The following SNTG2 variants were observed in gnomAD, a reference collection of about 807,000 sequenced individuals.
The protein encoded by SNTG2 is syntrophin gamma 2.
A neutral mutation model predicts 70.9 loss-of-function variants in SNTG2; 74 were observed. The observed-to-expected ratio is 1.04, with a 90% CI of 0.86 to 1.27. SNTG2 has a LOEUF of 1.27. Among genes scored for constraint, SNTG2 ranks in the 50% most tolerant of loss-of-function variants. SNTG2 has a pLI of 0.00. For missense variants in SNTG2, 717 were observed against 690.7 expected (o/e 1.04, Z -0.43); for synonymous variants, 278 against 273.8 (o/e 1.02, Z -0.15).
intron 11 of SNTG2, among the ~76,000 whole-genome samples, chr2:1,241,542 T>C (rs1677050380): frequency 7.4e-6 from 1 of 135,156 alleles, no homozygotes; most frequent in Non-Finnish European, 1.5e-5. Flanking sequence ...TACATATGTA[T>C]ACATGTACCA....
intron 4 of SNTG2, chr2:1,102,733 G>T (rs1477874672): frequency 6.6e-6 from 1 of 152,308 alleles, no homozygotes; most frequent in Non-Finnish European, 1.5e-5. Context: ...TTAAAGAGAG[G>T]CATTTAAATT....
chr2:971,714 C>CTTT (rs60378106), intron 1 of SNTG2, among the ~76,000 whole-genome samples: 2 of 144,970 alleles, frequency 1.4e-5, no homozygotes, highest in Non-Finnish European at 3.0e-5. Flanking sequence ...CAGTTTCCTC[C>CTTT]TTTTTTTTTT....
chr2:986,997 GAC>G (rs1441811595), intron 1 of SNTG2, among the ~76,000 whole-genome samples: 1 of 152,190 alleles, frequency 6.6e-6, no homozygotes, highest in East Asian at 1.9e-4. Context: ...ATAATTTTCA[GAC>G]ACATGTGTTT....
chr2:1,058,717 G>GACC (rs2148107792), intron 1 of SNTG2, among the ~76,000 whole-genome samples: 1 of 152,336 alleles, frequency 6.6e-6, no homozygotes, highest in South Asian at 2.1e-4. Context: ...CATCAGAAGT[G>GACC]ACCAGCCTGT....
At chr2:1,022,406 T>TG (rs749691904) in intron 1 of SNTG2, among the ~76,000 whole-genome samples, 2 of 151,954 alleles carry the variant, frequency 1.3e-5, no homozygotes, top group African/African-American at 2.4e-5. Flanking sequence ...CAGGAGCCTC[T>TG]GCGTTCTCGT....
At chr2:1,048,042 T>C (rs1295850724) in intron 1 of SNTG2, among the ~76,000 whole-genome samples, 1 of 152,190 alleles carries the variant, frequency 6.6e-6, no homozygotes, top group Admixed American at 6.5e-5. Flanking sequence ...TTTAATATTT[T>C]TGTACTTCTT....
At chr2:1,066,166 A>G (rs1368029417) in intron 1 of SNTG2, among the ~76,000 whole-genome samples, 1 of 152,218 alleles carries the variant, frequency 6.6e-6, no homozygotes, top group East Asian at 1.9e-4. Context: ...ATAAAAATCC[A>G]TGCTTCAGAA....
At chr2:1,222,139 C>CTCTCTGTCTCTCTGTCTCTCTCTG (rs1675248936) in intron 9 of SNTG2, among the ~76,000 whole-genome samples, 15 of 116,116 alleles carry the variant, frequency 1.3e-4, no homozygotes, top group Admixed American at 2.8e-4. Context: ...CTCTCTGTCT[C>CTCTCTGTCTCTCTGTCTCTCTCTG]TCTCTGTCTC....
intron 1 of SNTG2, among the ~76,000 whole-genome samples, chr2:1,055,929 A>C (rs887783103): frequency 4.6e-5 from 7 of 152,186 alleles, no homozygotes; most frequent in Non-Finnish European, 1.0e-4. Flanking sequence ...GACAGAAGAC[A>C]GTCTCATCTC....
chr2:979,912 A>G (rs1661045020), intron 1 of SNTG2, among the ~76,000 whole-genome samples: 1 of 152,206 alleles, frequency 6.6e-6, no homozygotes, highest in African/African-American at 2.4e-5. Flanking sequence ...ATACATTATG[A>G]AAGAATTATG....
intron 9 of SNTG2, among the ~76,000 whole-genome samples, chr2:1,222,203 G>A (rs587762448): frequency 5.9e-5 from 9 of 151,348 alleles, no homozygotes; most frequent in Non-Finnish European, 7.4e-5. Flanking sequence ...TCTCAGTCGA[G>A]GATCTTTTCT....
intron 9 of SNTG2, among the ~76,000 whole-genome samples, chr2:1,234,365 A>G (rs1316063595): frequency 2.0e-5 from 3 of 152,228 alleles, no homozygotes; most frequent in Non-Finnish European, 4.4e-5. Context: ...ATTCATGTCA[A>G]CAACTTTCAC....
intron 4 of SNTG2, among the ~76,000 whole-genome samples, chr2:1,117,491 G>A (rs1455845549): frequency 3.9e-5 from 6 of 152,026 alleles, no homozygotes; most frequent in South Asian, 2.1e-4. Flanking sequence ...ATAACATGGC[G>A]TGCAGGGCAG....
At chr2:1,319,203 G>A (rs1043144812) in intron 16 of SNTG2, among the ~76,000 whole-genome samples, 2 of 152,194 alleles carry the variant, frequency 1.3e-5, no homozygotes, top group African/African-American at 2.4e-5. Context: ...CTTTGAGACC[G>A]GCATCGCTGC....
chr2:1,335,700 G>A (rs1278671265), intron 16 of SNTG2, among the ~76,000 whole-genome samples: 8 of 151,900 alleles, frequency 5.3e-5, no homozygotes, highest in Non-Finnish European at 8.8e-5. Context: ...GGTCTGGATT[G>A]AACACCGAGA....
chr2:1,221,889 CTGTGTCTCTCTCTGTCT>C lies in SNTG2; in HGVS notation c.719+12660_719+12676del, dbSNP rs1675000797. Among the ~76,000 whole-genome samples, 2 of 31,596 alleles carry C rather than the reference CTGTGTCTCTCTCTGTCT, an allele frequency of 6.3e-5. 1 individual carries two copies. Among genetic ancestry groups the C allele is most frequent in the Non-Finnish European group, 1.0e-4 (2 of 20,012 alleles). The allele number at this position is 31,596 out of a possible 152,430, so 20.7% of individuals were successfully genotyped here. On this transcript the variant is annotated intron_variant, in intron 9 of 16. Transcript: ENST00000308624. ...TGTCTCTCTCTCTCTCTGTCTCTGT[CTGTGTCTCTCTCTGTCT>C]CTGTCTCTGTCTCTCTCTGTCTCTC...
chr2:1,009,509 G>T (rs1221555294), intron 1 of SNTG2, among the ~76,000 whole-genome samples: 1 of 130,358 alleles, frequency 7.7e-6, no homozygotes, highest in African/African-American at 3.0e-5. Flanking sequence ...CTGGTGGGTC[G>T]TGTGTATGGC....
intron 2 of SNTG2, 123 bp downstream of exon 2, chr2:1,083,778 C>G (rs1045088875): frequency 3.5e-5 from 38 of 1,073,142 alleles, no homozygotes; most frequent in Non-Finnish European, 5.0e-5. Flanking sequence ...TTAAATATCC[C>G]CAACTACTGG....
intron 2 of SNTG2, among the ~76,000 whole-genome samples, chr2:1,084,075 C>G (rs539355761): frequency 6.6e-6 from 1 of 152,200 alleles, no homozygotes; most frequent in East Asian, 1.9e-4. Context: ...AGAAATACCC[C>G]CAAAAGCCAC....
Sources: allele counts gnomAD v4.1 joint callset (sites outside exome capture counted in the v4.1 genomes callset), GRCh38; gene constraint gnomAD v4.1.1; transcripts MANE v1.5; gene names NCBI Gene and HGNC (gene_info 2026-07-23, HGNC 2026-07-21).